Variants in PDK1 observed in about 807,000 individuals in gnomAD.
PDK1 encodes pyruvate dehydrogenase kinase 1, also known as [Pyruvate dehydrogenase (acetyl-transferring)] kinase isozyme 1, mitochondrial.
Under a neutral mutation model 54.2 loss-of-function variants are expected in PDK1, and 39 were observed. The ratio of observed to expected loss-of-function variants is 0.72; its 90% CI spans 0.56 to 0.94. The LOEUF (loss-of-function observed/expected upper bound fraction) is 0.94. PDK1 is among the 40% of genes least tolerant of loss of function. The probability of loss-of-function intolerance (pLI) is 0.00; values close to 1 mark genes in which losing one functional copy is unlikely to be tolerated. For missense variants in PDK1, 552 were observed against 566.0 expected (o/e 0.98, Z 0.25); for synonymous variants, 221 against 207.1 (o/e 1.07, Z -0.58).
chr2:172,579,926 T>G (rs1335044963), intron 8 of PDK1, among the ~76,000 whole-genome samples: 4 of 152,076 alleles, frequency 2.6e-5, no homozygotes, highest in Non-Finnish European at 4.4e-5. Flanking sequence ...CTTTTTATTC[T>G]ATTCTGTGAG....
At chr2:172,627,965 A>C in the PDK1 span, among the ~76,000 whole-genome samples, 1 of 152,148 alleles carries the variant, frequency 6.6e-6, no homozygotes, top group African/African-American at 2.4e-5. Context: ...AGAAAGTCAC[A>C]CCCATGAGCT....
At chr2:172,619,876 T>C in the PDK1 span, among the ~76,000 whole-genome samples, 1 of 152,330 alleles carries the variant, frequency 6.6e-6, no homozygotes, top group African/African-American at 2.4e-5. Flanking sequence ...CAGACAAAAC[T>C]GATCTCAGGC....
intron 9 of PDK1, among the ~76,000 whole-genome samples, chr2:172,590,842 ATTTACAATCC>A (rs1690531575): frequency 7.1e-6 from 1 of 141,064 alleles, no homozygotes; most frequent in African/African-American, 2.8e-5. Flanking sequence ...TGATTGGTGC[ATTTACAATCC>A]TTTAGCTAGA....
At position 172,603,581 on chromosome 2, in the gene PDK1, A is replaced by G. The variant is rs1691185171; in HGVS notation, c.*7612A>G. The G allele has an allele frequency of 2.0e-5, 3 of 152,222 alleles. No individual in the cohort carries two copies. The highest frequency in any genetic ancestry group is 4.4e-5 in the Non-Finnish European group (3 of 68,056). The allele number at this position is 152,222 out of a possible 1,614,324, so 9.4% of individuals were successfully genotyped here. On this transcript the variant is annotated 3_prime_UTR_variant, in exon 11 of 11. Coordinates refer to ENST00000282077, the MANE Select transcript of PDK1 (RefSeq NM_002610.5). The stretch of plus-strand genomic sequence containing the variant: ...GCAGGCAATAAGTGAAGTCTCTGGC[A>G]GTGGGAAGCATGGACCCAAGACCGA...
chr2:172,567,266 C>CT (rs1421174554), intron 6 of PDK1, among the ~76,000 whole-genome samples: 2 of 152,140 alleles, frequency 1.3e-5, no homozygotes, highest in East Asian at 3.8e-4. Context: ...TAATGTAAGA[C>CT]TTACCCTTTT....
the PDK1 span, among the ~76,000 whole-genome samples, chr2:172,708,521 C>CA: frequency 6.6e-6 from 1 of 151,702 alleles, no homozygotes; most frequent in African/African-American, 2.4e-5. Flanking sequence ...GAAATAATGA[C>CA]AAAAAAGATA....
At chr2:172,654,572 G>A in the PDK1 span, among the ~76,000 whole-genome samples, 22 of 149,708 alleles carry the variant, frequency 1.5e-4, no homozygotes, top group Non-Finnish European at 2.5e-4. Context: ...AGAACACTTG[G>A]ACACAGGGTG....
chr2:172,632,090 A>G, the PDK1 span, among the ~76,000 whole-genome samples: 1 of 152,054 alleles, frequency 6.6e-6, no homozygotes, highest in Non-Finnish European at 1.5e-5. Context: ...AGCCTGGCCA[A>G]CATGGTGAAA....
upstream of PDK1, chr2:172,555,845 T>C (rs768246686): frequency 6.3e-5 from 17 of 271,284 alleles, no homozygotes; most frequent in Middle Eastern, 3.1e-3. Context: ...CCTCGCCGGC[T>C]GGGGCGGGAT....
chr2:172,675,570 A>G, the PDK1 span, among the ~76,000 whole-genome samples: 1 of 152,230 alleles, frequency 6.6e-6, no homozygotes, highest in Non-Finnish European at 1.5e-5. Flanking sequence ...ACTCTCTTCA[A>G]TTCTATCAAG....
At chr2:172,664,181 C>G in the PDK1 span, among the ~76,000 whole-genome samples, 3 of 151,506 alleles carry the variant, frequency 2.0e-5, no homozygotes, top group Non-Finnish European at 4.4e-5. Context: ...CATGGTGGCA[C>G]GCACCTGTAA....
chr2:172,580,483 G>A (rs868443236), intron 8 of PDK1, among the ~76,000 whole-genome samples: 18 of 152,116 alleles, frequency 1.2e-4, no homozygotes, highest in South Asian at 8.3e-4. Flanking sequence ...ATAGATCAAG[G>A]TTTACTGAGT....
At chr2:172,700,919 G>A in the PDK1 span, among the ~76,000 whole-genome samples, 1 of 152,148 alleles carries the variant, frequency 6.6e-6, no homozygotes, top group African/African-American at 2.4e-5. Context: ...AGGAGAATCA[G>A]GCAGGGAGGT....
the PDK1 span, among the ~76,000 whole-genome samples, chr2:172,712,200 AG>A: frequency 1.3e-5 from 2 of 152,244 alleles, no homozygotes; most frequent in African/African-American, 4.8e-5. Context: ...AAATATAAAA[AG>A]AACAAGATAA....
chr2:172,713,536 G>GC, the PDK1 span, among the ~76,000 whole-genome samples: 1 of 152,242 alleles, frequency 6.6e-6, no homozygotes. Flanking sequence ...GGCCGAGGAG[G>GC]CAGGGGGCTG....
At chr2:172,722,900 C>T in the PDK1 span, among the ~76,000 whole-genome samples, 33 of 152,062 alleles carry the variant, frequency 2.2e-4, no homozygotes, top group African/African-American at 7.2e-4. Flanking sequence ...ATTTAGACAT[C>T]CCTCTGCCTA....
intron 9 of PDK1, among the ~76,000 whole-genome samples, chr2:172,588,814 A>G (rs1054592629): frequency 6.6e-6 from 1 of 152,090 alleles, no homozygotes; most frequent in African/African-American, 2.4e-5. Flanking sequence ...CTATCTTCAC[A>G]CTGTAAGTCC....
chr2:172,694,422 G>A, the PDK1 span, among the ~76,000 whole-genome samples: 5 of 152,150 alleles, frequency 3.3e-5, no homozygotes, highest in African/African-American at 9.7e-5. Context: ...ATTCAACATC[G>A]TTTCATTATA....
chr2:172,720,359 C>T, the PDK1 span, among the ~76,000 whole-genome samples: 1 of 152,114 alleles, frequency 6.6e-6, no homozygotes, highest in Admixed American at 6.6e-5. Flanking sequence ...AAGTAATCCG[C>T]CCACCTCGGC....
Sources: gnomAD v4.1 joint callset for allele counts (sites outside exome capture counted in the v4.1 genomes callset) on GRCh38, gnomAD v4.1.1 for gene constraint, MANE v1.5 for transcripts, NCBI Gene and HGNC (gene_info 2026-07-23, HGNC 2026-07-21) for gene names.